Variants in COL11A1 observed in about 807,000 individuals in gnomAD.
The protein encoded by COL11A1 is collagen alpha-1(XI) chain.
A neutral mutation model predicts 265.2 loss-of-function variants in COL11A1; 74 were observed. The observed-to-expected ratio is 0.28, with a 90% CI of 0.23 to 0.34. The LOEUF (loss-of-function observed/expected upper bound fraction) is 0.34. Ranked by LOEUF, COL11A1 falls within the 10% of genes least tolerant of loss-of-function variation. The pLI, the probability that COL11A1 is intolerant of heterozygous loss-of-function variation, is 1.00. For synonymous variants in COL11A1, 816 were observed against 727.6 expected (o/e 1.12, Z -1.96); for missense variants, 2,165 against 2,263.6 (o/e 0.96, Z 0.88).
chr1:102,961,493 T>C (rs1279305162), intron 41 of COL11A1, among the ~76,000 whole-genome samples: 1 of 152,228 alleles, frequency 6.6e-6, no homozygotes. Flanking sequence ...AAATCAAATC[T>C]TATTTTATAA....
intron 30 of COL11A1, among the ~76,000 whole-genome samples, chr1:102,987,015 CT>C (rs1233755400): frequency 1.3e-5 from 2 of 151,962 alleles, no homozygotes; most frequent in Non-Finnish European, 2.9e-5. Context: ...GGTGTAAAAC[CT>C]TAAGTAGAAC....
intron 58 of COL11A1, 101 bp from the exon 59 acceptor site, chr1:102,889,663 T>G: frequency 1.2e-6 from 1 of 828,562 alleles, no homozygotes; most frequent in Non-Finnish European, 2.0e-6. Context: ...AGCATAAAAA[T>G]GAACAATGCT....
intron 1 of COL11A1, 81 bp downstream of exon 1, chr1:103,107,992 G>C: frequency 1.0e-6 from 1 of 952,392 alleles, no homozygotes; most frequent in Non-Finnish European, 1.7e-6. Context: ...GAGCGGGGAG[G>C]AAGGGTAAAG....
chr1:102,906,620 A>G (rs1654015349), intron 54 of COL11A1, among the ~76,000 whole-genome samples: 1 of 152,082 alleles, frequency 6.6e-6, no homozygotes, highest in South Asian at 2.1e-4. Flanking sequence ...ATGTTGTCTC[A>G]AAGTCCTGGG....
chr1:103,049,477 T>C (rs1369797592), intron 4 of COL11A1, among the ~76,000 whole-genome samples: 2 of 152,198 alleles, frequency 1.3e-5, no homozygotes, highest in African/African-American at 4.8e-5. Context: ...TCCTTTTATT[T>C]TGAGCCTATG....
At chr1:103,061,295 A>G (rs181815498) in intron 4 of COL11A1, among the ~76,000 whole-genome samples, 12 of 152,326 alleles carry the variant, frequency 7.9e-5, no homozygotes, top group Admixed American at 2.6e-4. Flanking sequence ...TGAATCCACT[A>G]TTACATTTAA....
At chr1:103,078,965 C>T in intron 2 of COL11A1, 94 bp from the exon 3 acceptor site, 1 of 843,980 alleles carries the variant, frequency 1.2e-6, no homozygotes, top group Non-Finnish European at 1.9e-6. Flanking sequence ...TTCTACATGG[C>T]CTTTATAAAT....
chr1:102,995,821 A>G lies in COL11A1; in HGVS notation c.2340+43T>C, dbSNP rs770530508. ...CTGTTGAATAAATTTAAATGTTAAC[A>G]TAATACACAGAAATTAATACCATCT... On this transcript the variant is annotated intron_variant, in intron 28 of 66. Coordinates refer to ENST00000370096, the MANE Select transcript of COL11A1 (RefSeq NM_001854.4). 24 of 1,484,584 alleles carry G rather than the reference A, an allele frequency of 1.6e-5. No homozygotes were observed. The Admixed American group carries it at 3.5e-4, about 22-fold the overall frequency. The allele number at this position is 1,484,584 out of a possible 1,614,324, so 92.0% of individuals were successfully genotyped here.
At position 102,978,727 on chromosome 1, in the gene COL11A1, G is replaced by A. The variant is rs192842970; in HGVS notation, c.2735C>T (p.Pro912Leu). 1.6e-4 allele frequency: 256 copies of A among 1,614,144 alleles called. 1 individual carries two copies. The East Asian group carries it at 5.6e-3, about 35-fold the overall frequency. The change falls in exon 35 of 67, where the codon CCT becomes CTT. Residue 912 changes from proline (P) to leucine (L), a missense_variant. Pro to Leu is a moderately conservative substitution (Grantham distance 98, BLOSUM62 -3). Coordinates refer to ENST00000370096, the MANE Select transcript of COL11A1 (RefSeq NM_001854.4). Reference protein sequence around the residue: ...PKGTSGGDGPPGPPGERGPQG... With the variant: ...PKGTSGGDGPLGPPGERGPQG... ...ACGTACTCTTTCACCTGGAGGGCCA[G>A]GAGGGCCATCGCCACCTGAAGTGCC...
At chr1:102,947,678 TA>T (rs757369793) in intron 41 of COL11A1, among the ~76,000 whole-genome samples, 24 of 152,100 alleles carry the variant, frequency 1.6e-4, no homozygotes, top group Non-Finnish European at 2.9e-4. Context: ...AAACCTCATA[TA>T]TATAGATTTT....
intron 41 of COL11A1, among the ~76,000 whole-genome samples, chr1:102,953,101 A>G (rs538047816): frequency 6.6e-6 from 1 of 152,304 alleles, no homozygotes; most frequent in Admixed American, 6.5e-5. Flanking sequence ...ATATAGTGAG[A>G]CATTTTTGTA....
intron 7 of COL11A1, among the ~76,000 whole-genome samples, chr1:103,025,109 C>G (rs753717687): frequency 2.6e-5 from 4 of 152,108 alleles, no homozygotes; most frequent in African/African-American, 9.7e-5. Flanking sequence ...TCATAAAATG[C>G]ATGATTATTC....
chr1:103,082,855 C>G lies in COL11A1; in HGVS notation c.224G>C (p.Arg75Thr). 6.2e-7 allele frequency: 1 copy of G among 1,613,718 alleles called. No individual in the cohort carries two copies. Among genetic ancestry groups the G allele is most frequent in the Admixed American group, 1.7e-5 (1 of 59,994 alleles). ...ACTGAGTTGTGCTTGCTTTGAAACT[C>G]TGTAAGCAGTATCTGAGCCTTTAGA... The part of the protein sequence containing the change: ...KNSKGSDTAY[R>T]VSKQAQLSAP... Residue 75 changes from arginine to threonine, a missense_variant, in exon 2 of 67, where the codon AGA becomes ACA. Transcript: ENST00000370096.
At chr1:102,974,136 G>A (rs1473488272) in intron 36 of COL11A1, among the ~76,000 whole-genome samples, 1 of 151,926 alleles carries the variant, frequency 6.6e-6, no homozygotes, top group African/African-American at 2.4e-5. Flanking sequence ...TAGACAGGTG[G>A]GTAAGCTGAC....
chr1:103,045,936 G>C (rs1328436897), intron 4 of COL11A1, among the ~76,000 whole-genome samples: 1 of 151,850 alleles, frequency 6.6e-6, no homozygotes, highest in Non-Finnish European at 1.5e-5. Context: ...TCCCTACAAA[G>C]GACATGAACT....
chr1:103,037,255 TGTGTGTGTG>T (rs1557979329), intron 4 of COL11A1, among the ~76,000 whole-genome samples: 40 of 26,050 alleles, frequency 1.5e-3, no homozygotes, highest in Admixed American at 2.4e-3. Flanking sequence ...ATTTAGATTG[TGTGTGTGTG>T]TGTGTGTGTG....
chr1:102,900,205 C>G (rs1238675399), intron 54 of COL11A1, among the ~76,000 whole-genome samples: 3 of 151,844 alleles, frequency 2.0e-5, no homozygotes, highest in African/African-American at 4.8e-5. Flanking sequence ...GTACCTCAAC[C>G]CAAAGATAAA....
intron 4 of COL11A1, among the ~76,000 whole-genome samples, chr1:103,057,045 C>A (rs939698152): frequency 6.6e-6 from 1 of 152,098 alleles, no homozygotes; most frequent in Non-Finnish European, 1.5e-5. Flanking sequence ...AAGTTTGCCA[C>A]ATCAATTGAC....
intron 14 of COL11A1, among the ~76,000 whole-genome samples, chr1:103,011,063 A>C (rs1666086860): frequency 6.6e-6 from 1 of 152,140 alleles, no homozygotes; most frequent in African/African-American, 2.4e-5. Context: ...ATAGGAATCA[A>C]CCTGGTGCAC....
Sources: allele counts gnomAD v4.1 joint callset (sites outside exome capture counted in the v4.1 genomes callset), GRCh38; gene constraint gnomAD v4.1.1; transcripts MANE v1.5; gene names NCBI Gene and HGNC (gene_info 2026-07-23, HGNC 2026-07-21).